Variants in GFOD1 observed in about 807,000 individuals in gnomAD.
The protein encoded by GFOD1 is Gfo/Idh/MocA-like oxidoreductase domain containing 1, also known as glucose-fructose oxidoreductase domain-containing protein 1.
A neutral mutation model predicts 25.4 loss-of-function variants in GFOD1; 9 were observed. The ratio of observed to expected loss-of-function variants is 0.35; its 90% CI spans 0.21 to 0.62. The LOEUF (loss-of-function observed/expected upper bound fraction) is 0.62. Among genes scored for constraint, GFOD1 ranks in the 20% least tolerant of loss-of-function variants. The pLI, the probability that GFOD1 is intolerant of heterozygous loss-of-function variation, is 0.72. For missense variants in GFOD1, 403 were observed against 556.9 expected, an observed-to-expected ratio of 0.72 and a Z score of 2.78; for synonymous variants, 253 against 245.6, an observed-to-expected ratio of 1.03 and a Z score of -0.28.
chr6:13,423,924 T>C lies in GFOD1; in HGVS notation c.254-58262A>G, dbSNP rs141866230. 1.1e-3 allele frequency among the ~76,000 whole-genome samples: 162 copies of C among 152,330 alleles called. 1 individual carries two copies. The highest frequency in any genetic ancestry group is 3.7e-3 in the African/African-American group (152 of 41,570). On this transcript the variant is annotated intron_variant, in intron 1 of 1. Coordinates refer to ENST00000379287, the MANE Select transcript of GFOD1 (RefSeq NM_018988.4). ...CCCAGGCTAGAGTGTGATGGCGTGA[T>C]TGTGGCTCACCACAACCTCTGCCTC...
chr6:13,366,473 T>A (rs940045618), intron 1 of GFOD1, among the ~76,000 whole-genome samples: 2 of 152,122 alleles, frequency 1.3e-5, no homozygotes, highest in African/African-American at 4.8e-5. Flanking sequence ...GTAGTTGAGA[T>A]TACAGGCGCC....
intron 1 of GFOD1, among the ~76,000 whole-genome samples, chr6:13,461,143 A>G (rs1431590270): frequency 6.6e-6 from 1 of 152,220 alleles, no homozygotes; most frequent in Non-Finnish European, 1.5e-5. Flanking sequence ...TGTACTGTCT[A>G]CTTTTAACCT....
At chr6:13,440,784 G>C (rs1217245979) in intron 1 of GFOD1, among the ~76,000 whole-genome samples, 1 of 152,180 alleles carries the variant, frequency 6.6e-6, no homozygotes, top group Non-Finnish European at 1.5e-5. Flanking sequence ...AAGAAATGCA[G>C]AGCTCTTTAA....
At chr6:13,481,005 T>C (rs1741180260) in intron 1 of GFOD1, among the ~76,000 whole-genome samples, 1 of 152,232 alleles carries the variant, frequency 6.6e-6, no homozygotes, top group South Asian at 2.1e-4. Context: ...GGTGACTAAG[T>C]GTCTGGCACT....
At position 13,390,780 on chromosome 6, in the gene GFOD1, AAAG is replaced by A. The variant is rs1785582159; in HGVS notation, c.254-25121_254-25119del. 5.6e-3 allele frequency among the ~76,000 whole-genome samples: 665 copies of A among 117,936 alleles called. 2 individuals are homozygous for A. Among genetic ancestry groups the A allele is most frequent in the East Asian group, 9.2e-3 (39 of 4,228 alleles). 77.4% of individuals were successfully genotyped at this position (117,936 alleles called of 152,430 possible). A position where few individuals can be genotyped will look rare whatever the true frequency, so the allele number is the denominator to read the frequency against. On this transcript the variant is annotated intron_variant, in intron 1 of 1. Coordinates refer to ENST00000379287, the MANE Select transcript of GFOD1 (RefSeq NM_018988.4). The stretch of plus-strand genomic sequence containing the variant: ...GAGAGAAAGAGAGAGAGAGAGAGAG[AAAG>A]GAAGGAAGGAAGGAAGGAAGGAAGG...
rs75167759 is a variant in GFOD1 at position 13,371,817 on chromosome 6, C to T, written c.254-6155G>A. Among the ~76,000 whole-genome samples, 313 of 152,254 alleles carry T rather than the reference C, an allele frequency of 2.1e-3. 1 individual carries two copies. The highest frequency in any genetic ancestry group is 6.9e-3 in the African/African-American group (287 of 41,524). Reference sequence around the variant, plus strand: ...ATCCATCCAGGACTGTGAACCATCACGCCACGGCTCCATGCTCAGCTCGCC... The same window carrying T: ...ATCCATCCAGGACTGTGAACCATCATGCCACGGCTCCATGCTCAGCTCGCC... On this transcript the variant is annotated intron_variant, in intron 1 of 1. Transcript: ENST00000379287.
intron 1 of GFOD1, among the ~76,000 whole-genome samples, chr6:13,461,287 G>A (rs370010210): frequency 2.2e-4 from 34 of 152,268 alleles, no homozygotes; most frequent in African/African-American, 7.2e-4. Flanking sequence ...AGCAGCCCTC[G>A]GCCCTCTTTG....
intron 1 of GFOD1, among the ~76,000 whole-genome samples, chr6:13,393,625 T>C (rs929524423): frequency 3.3e-5 from 5 of 152,042 alleles, no homozygotes; most frequent in African/African-American, 1.2e-4. Context: ...CTATTTCTTT[T>C]CAATAGTGCC....
At position 13,456,267 on chromosome 6, in the gene GFOD1, T is replaced by C. The variant is rs1584662760; in HGVS notation, c.253+30371A>G. 2.6e-5 allele frequency among the ~76,000 whole-genome samples: 4 copies of C among 152,318 alleles called. 1 individual carries two copies. The highest frequency in any genetic ancestry group is 2.6e-4 in the Admixed American group (4 of 15,298). The stretch of plus-strand genomic sequence containing the variant: ...TTGGCTTACTGCAGTGTCCACCTCC[T>C]GGGCTCAAGTGATCTTCCCATCTCA... On this transcript the variant is annotated intron_variant, in intron 1 of 1. Coordinates refer to ENST00000379287, the MANE Select transcript of GFOD1 (RefSeq NM_018988.4).
Position 13,413,795 on chromosome 6 carries a change from C to G in GFOD1, c.254-48133G>C, listed in dbSNP as rs530721009. Among the ~76,000 whole-genome samples, 199 of 152,168 alleles carry G rather than the reference C, an allele frequency of 1.3e-3. 1 individual carries two copies. Among genetic ancestry groups the G allele is most frequent in the Non-Finnish European group, 3.4e-4 (23 of 68,028 alleles). On this transcript the variant is annotated intron_variant, in intron 1 of 1. Transcript: ENST00000379287. The stretch of plus-strand genomic sequence containing the variant: ...AAACAAACAGCTTGGCAGATAAGAC[C>G]CCAAGGCTCTACCAAGCAAACGAGG...
Position 13,411,631 on chromosome 6 carries a change from G to A in GFOD1, c.254-45969C>T, listed in dbSNP as rs565651657. Among the ~76,000 whole-genome samples, 198 of 152,200 alleles carry A rather than the reference G, an allele frequency of 1.3e-3. 1 individual carries two copies. Among genetic ancestry groups the A allele is most frequent in the Non-Finnish European group, 2.0e-3 (134 of 68,008 alleles). On this transcript the variant is annotated intron_variant, in intron 1 of 1. Coordinates refer to ENST00000379287, the MANE Select transcript of GFOD1 (RefSeq NM_018988.4). ...TTCATCCAGCTGTACCCTGCAGCCC[G>A]GTTTCCTCAGACGCAGTAACACTGT...
chr6:13,453,600 T>C (rs1392557829), intron 1 of GFOD1, among the ~76,000 whole-genome samples: 1 of 152,196 alleles, frequency 6.6e-6, no homozygotes, highest in Non-Finnish European at 1.5e-5. Flanking sequence ...AAAACTATAT[T>C]CCCATAACTT....
intron 1 of GFOD1, chr6:13,469,551 C>T (rs1758441890): frequency 9.5e-7 from 1 of 1,048,300 alleles, no homozygotes; most frequent in South Asian, 3.4e-5. Flanking sequence ...CTGGAAAACA[C>T]ATAAGCTTTG....
At chr6:13,384,907 G>A (rs183896056) in intron 1 of GFOD1, among the ~76,000 whole-genome samples, 63 of 152,292 alleles carry the variant, frequency 4.1e-4, no homozygotes, top group Admixed American at 1.1e-3. Context: ...TTGGGGCTCC[G>A]TTTTATTGAA....
chr6:13,442,772 C>T (rs1215724046), intron 1 of GFOD1, among the ~76,000 whole-genome samples: 10 of 152,226 alleles, frequency 6.6e-5, no homozygotes, highest in African/African-American at 9.6e-5. Flanking sequence ...CGATTCCTCT[C>T]GAACCATTAC....
chr6:13,449,832 AC>A lies in GFOD1; in HGVS notation c.253+36805del, dbSNP rs551625661. Among the ~76,000 whole-genome samples, 653 of 152,284 alleles carry A rather than the reference AC, an allele frequency of 4.3e-3. 4 individuals are homozygous for A. Among genetic ancestry groups the A allele is most frequent in the African/African-American group, 0.015 (636 of 41,554 alleles). On this transcript the variant is annotated intron_variant, in intron 1 of 1. Transcript: ENST00000379287. ...TTAAACCTCTTTTTCTTTATAAATT[AC>A]CTAGTCTCGGATATGTCTTTATCAA...
intron 1 of GFOD1, among the ~76,000 whole-genome samples, chr6:13,455,997 C>A (rs929226744): frequency 2.6e-5 from 4 of 152,140 alleles, no homozygotes; most frequent in Admixed American, 1.3e-4. Context: ...CTACAGCAGG[C>A]CTGACAGGCT....
At chr6:13,387,765 C>T (rs1371732101) in intron 1 of GFOD1, among the ~76,000 whole-genome samples, 1 of 152,108 alleles carries the variant, frequency 6.6e-6, no homozygotes, top group Non-Finnish European at 1.5e-5. Context: ...AAGTTCTGGC[C>T]AGGGCATCAG....
At position 13,365,508 on chromosome 6, in the gene GFOD1, C is replaced by A. The variant is rs764776091; in HGVS notation, c.408G>T (p.Glu136Asp). 1.2e-6 allele frequency: 2 copies of A among 1,613,136 alleles called. No homozygotes were observed. The highest frequency in any genetic ancestry group is 1.1e-5 in the South Asian group (1 of 91,090). Residue 136 changes from glutamate to aspartate, a missense_variant, in exon 2 of 2, where the codon GAG becomes GAT. By Grantham distance (45) the Glu-to-Asp change is conservative (BLOSUM62 2). Transcript: ENST00000379287. This position sits in a 1 kb window ranked among gnomAD's most constrained non-coding sequence, Gnocchi z 9.2. ...CCAGCGGCTCGCCCACGTAGCCCTCCTCGATCAGCTGCTTCATGCGCACGA... is the reference window on the plus strand; with the variant it reads ...CCAGCGGCTCGCCCACGTAGCCCTCATCGATCAGCTGCTTCATGCGCACGA... ...PAFVRMKQLI[E>D]EGYVGEPLVC... is the part of the protein sequence containing the mutation.
Sources: gnomAD v4.1 joint callset for allele counts (sites outside exome capture counted in the v4.1 genomes callset) on GRCh38, gnomAD v4.1.1 for gene constraint, Gnocchi (gnomAD v3.1) non-coding constraint, MANE v1.5 for transcripts, NCBI Gene and HGNC (gene_info 2026-07-23, HGNC 2026-07-21) for gene names.